The following TEX9 variants were observed in gnomAD, a reference collection of about 807,000 sequenced individuals.
TEX9 encodes testis expressed 9, also known as testis-expressed protein 9.
A neutral mutation model predicts 59.6 loss-of-function variants in TEX9; 74 were observed. That is an observed-to-expected ratio of 1.24 (90% CI 1.03 to 1.51). TEX9 has a LOEUF of 1.51. Among genes scored for constraint, TEX9 ranks in the 40% most tolerant of loss-of-function variants. The probability of loss-of-function intolerance (pLI) is 0.00; values close to 1 mark genes in which losing one functional copy is unlikely to be tolerated. For missense variants in TEX9, 522 were observed against 447.8 expected (o/e 1.17, Z -1.49); for synonymous variants, 186 against 152.2 (o/e 1.22, Z -1.64).
chr15:56,424,829 A>G (rs2050164886), intron 10 of TEX9, among the ~76,000 whole-genome samples: 1 of 152,140 alleles, frequency 6.6e-6, no homozygotes. Flanking sequence ...TTGTCCAAAT[A>G]TTTACATTTA....
rs1312476790 is a variant in TEX9 at position 56,384,023 on chromosome 15, C to G, written c.255C>G (p.Tyr85Ter). Residue 85 changes from tyrosine (Y) to a stop codon, truncating the protein, a stop_gained, in exon 4 of 13, where the codon TAC becomes TAG. Coordinates refer to ENST00000352903, the Ensembl canonical transcript of TEX9. LOFTEE classifies it high-confidence loss of function. ...AATCATGTGATGACGAAGATGATTACAGTTTAAGGTAAGTATCTTAAATTC... is the reference window on the plus strand; with the variant it reads ...AATCATGTGATGACGAAGATGATTAGAGTTTAAGGTAAGTATCTTAAATTC... 1 of 1,611,822 alleles carries G rather than the reference C, an allele frequency of 6.2e-7. No homozygotes were observed. Among genetic ancestry groups the G allele is most frequent in the Admixed American group, 1.7e-5 (1 of 59,864 alleles).
Position 56,377,334 on chromosome 15 carries a change from T to C in TEX9, c.183+3830T>C, listed in dbSNP as rs137988004. On this transcript the variant is annotated intron_variant, in intron 3 of 12. Coordinates refer to ENST00000352903, the Ensembl canonical transcript of TEX9. ...CAAGGGGTTGCCTTGAATCTGTAGATTGCTTTGGGTAGTATGGACATTTTA... is the reference window on the plus strand; with the variant it reads ...CAAGGGGTTGCCTTGAATCTGTAGACTGCTTTGGGTAGTATGGACATTTTA... Among the ~76,000 whole-genome samples, 1,219 of 152,272 alleles carry C rather than the reference T, an allele frequency of 8.0e-3. 14 individuals are homozygous for C. The highest frequency in any genetic ancestry group is 0.027 in the African/African-American group (1,141 of 41,558).
At chr15:56,262,828 T>C (rs1360180406) in intron 1 of TEX9, among the ~76,000 whole-genome samples, 3 of 152,232 alleles carry the variant, frequency 2.0e-5, no homozygotes, top group Admixed American at 2.0e-4. Flanking sequence ...TCCTGTTGAA[T>C]TGATCCCTCG....
intron 12 of TEX9, chr15:56,430,054 A>G (rs1260165817): frequency 6.6e-6 from 1 of 152,178 alleles, no homozygotes; most frequent in Non-Finnish European, 1.5e-5. Flanking sequence ...GTAATTACCT[A>G]TATATCTTTT....
At chr15:56,328,105 G>A (rs2046063601) in intron 1 of TEX9, among the ~76,000 whole-genome samples, 1 of 151,636 alleles carries the variant, frequency 6.6e-6, no homozygotes, top group South Asian at 2.1e-4. Context: ...TAAGGAGAGG[G>A]GAAAGTAAAG....
intron 1 of TEX9, among the ~76,000 whole-genome samples, chr15:56,335,845 G>A (rs1483433633): frequency 6.6e-6 from 1 of 151,968 alleles, no homozygotes; most frequent in African/African-American, 2.4e-5. Context: ...AAACACAAAC[G>A]ATTCATATTT....
intron 1 of TEX9, among the ~76,000 whole-genome samples, chr15:56,263,385 G>A (rs1430443227): frequency 4.6e-5 from 7 of 151,956 alleles, no homozygotes; most frequent in African/African-American, 1.5e-4. Flanking sequence ...TGCTTAGTCC[G>A]TTCATACTTC....
At chr15:56,333,022 T>A (rs547363792) in intron 1 of TEX9, among the ~76,000 whole-genome samples, 29 of 152,294 alleles carry the variant, frequency 1.9e-4, no homozygotes, top group African/African-American at 7.0e-4. Flanking sequence ...CTGGAAGCCA[T>A]AATAAAAAGT....
chr15:56,379,525 T>C (rs1477934361), intron 3 of TEX9, among the ~76,000 whole-genome samples: 1 of 152,198 alleles, frequency 6.6e-6, no homozygotes, highest in East Asian at 1.9e-4. Context: ...TCTGTAGTCT[T>C]TGGATGAAAT....
intron 1 of TEX9, among the ~76,000 whole-genome samples, chr15:56,262,724 A>G (rs1197650812): frequency 2.0e-5 from 3 of 152,094 alleles, no homozygotes. Context: ...ACTGATTAAG[A>G]TTTTGTCTGT....
intron 1 of TEX9, among the ~76,000 whole-genome samples, chr15:56,355,108 G>A (rs2046660255): frequency 6.6e-6 from 1 of 152,102 alleles, no homozygotes; most frequent in Non-Finnish European, 1.5e-5. Flanking sequence ...CTTGCAGTCA[G>A]CGCCTTCCTC....
chr15:56,447,698 TAC>T (rs1337178625), downstream of TEX9: 4 of 152,190 alleles, frequency 2.6e-5, no homozygotes, highest in Non-Finnish European at 4.4e-5. Flanking sequence ...GTTTAAAGGA[TAC>T]AGTTTGATAA....
intron 10 of TEX9, among the ~76,000 whole-genome samples, chr15:56,425,299 G>C (rs1364998061): frequency 6.6e-6 from 1 of 152,082 alleles, no homozygotes; most frequent in African/African-American, 2.4e-5. Context: ...CAATTTTTCA[G>C]CTATTCTTCA....
chr15:56,290,497 G>A (rs1342066684), intron 1 of TEX9, among the ~76,000 whole-genome samples: 1 of 152,062 alleles, frequency 6.6e-6, no homozygotes, highest in Non-Finnish European at 1.5e-5. Flanking sequence ...CACCCAGGCT[G>A]AAGTATAGTG....
Position 56,287,953 on chromosome 15 carries a change from C to T in TEX9, c.-107+43675C>T, listed in dbSNP as rs575400768. On this transcript the variant is annotated intron_variant, in intron 1 of 5. Coordinates refer to the TEX9 transcript ENST00000560827. ...CACTTAGGTAGATTCAATATCTTGG[C>T]GACTGTGAATAATGTTGCAACATGA... Among the ~76,000 whole-genome samples, 22 of 152,202 alleles carry T rather than the reference C, an allele frequency of 1.4e-4. No homozygotes were observed. In the East Asian group the frequency reaches 2.5e-3, roughly 17 times the overall value.
intron 1 of TEX9, among the ~76,000 whole-genome samples, chr15:56,304,454 G>T (rs1327629644): frequency 1.3e-5 from 2 of 152,138 alleles, no homozygotes; most frequent in African/African-American, 4.8e-5. Context: ...TTTATGAAAT[G>T]ATGTTGAATT....
At chr15:56,294,746 T>C (rs1036276171) in intron 1 of TEX9, among the ~76,000 whole-genome samples, 5 of 152,184 alleles carry the variant, frequency 3.3e-5, no homozygotes, top group Admixed American at 2.6e-4. Flanking sequence ...TGCTTGGGTA[T>C]AACCCAAACA....
rs1012059284 is a variant in TEX9 at position 56,252,653 on chromosome 15, C to T, written c.-107+8375C>T. 5.3e-5 allele frequency among the ~76,000 whole-genome samples: 8 copies of T among 152,230 alleles called. No homozygotes were observed. In the South Asian group the frequency reaches 1.7e-3, roughly 32 times the overall value. ...TCCTTTTAAGGAAAAGAGTCTGCTG[C>T]GTGCTTCCTGTAACCTCTAGTTTCT... On this transcript the variant is annotated intron_variant, in intron 1 of 5. Coordinates refer to the TEX9 transcript ENST00000560827.
chr15:56,429,093 T>A (rs1422927932), intron 12 of TEX9: 3 of 1,558,644 alleles, frequency 1.9e-6, no homozygotes, highest in Non-Finnish European at 2.6e-6. Flanking sequence ...TACCCAATTT[T>A]GATGATATCA....
Sources: gnomAD v4.1 joint callset for allele counts (sites outside exome capture counted in the v4.1 genomes callset) on GRCh38, gnomAD v4.1.1 for gene constraint, MANE v1.5 for transcripts, NCBI Gene and HGNC (gene_info 2026-07-23, HGNC 2026-07-21) for gene names.